Variants in CNTFR observed in about 807,000 individuals in gnomAD.
The protein encoded by CNTFR is ciliary neurotrophic factor receptor, also known as ciliary neurotrophic factor receptor subunit alpha.
CNTFR carries 12 observed loss-of-function variants against 40.4 expected under a neutral mutation model. The ratio of observed to expected loss-of-function variants is 0.30; its 90% confidence interval spans 0.19 to 0.48. The LOEUF (loss-of-function observed/expected upper bound fraction) is 0.48, where lower values mean the gene tolerates loss of function less well. Among genes scored for constraint, CNTFR ranks in the 20% least tolerant of loss-of-function variants. The pLI is 0.99. For missense variants in CNTFR, 414 were observed against 506.8 expected, an observed-to-expected ratio of 0.82 and a Z score of 1.76; for synonymous variants, 202 against 209.6, an observed-to-expected ratio of 0.96 and a Z score of 0.31.
chr9:34,576,717 A>T (rs530104251), intron 2 of CNTFR, among the ~76,000 whole-genome samples: 18 of 152,336 alleles, frequency 1.2e-4, no homozygotes, highest in Non-Finnish European at 2.1e-4. Flanking sequence ...GGGGAGACAG[A>T]TGGTGGCACT....
intron 2 of CNTFR, among the ~76,000 whole-genome samples, chr9:34,577,305 G>C (rs1486956120): frequency 6.6e-6 from 1 of 152,226 alleles, no homozygotes; most frequent in Non-Finnish European, 1.5e-5. Flanking sequence ...AGCCTGACGT[G>C]ACTCCACGGA....
chr9:34,584,748 T>G (rs1827470492), intron 1 of CNTFR, among the ~76,000 whole-genome samples: 1 of 151,888 alleles, frequency 6.6e-6, no homozygotes, highest in African/African-American at 2.4e-5. Context: ...GACCTTACTT[T>G]CTACAAAATC....
At position 34,557,614 on chromosome 9, in the gene CNTFR, G is replaced by A; in HGVS notation, c.516C>T (p.Phe172=). 6.2e-7 allele frequency: 1 copy of A among 1,614,222 alleles called. No homozygotes were observed. The highest frequency in any genetic ancestry group is 8.5e-7 in the Non-Finnish European group (1 of 1,180,030). ...NRCHIRYMHL[F]STIKYKVSIS... ...TGGAGACCTTGTACTTGATGGTGGA[G>A]AACAGGTGCATGTAGCGAATGTGGC... is the stretch of plus-strand genomic sequence containing the variant. The change falls in exon 6 of 10, where the codon TTC becomes TTT. Residue 172 remains phenylalanine, a synonymous_variant. Transcript: ENST00000378980. This position sits in a 1 kb window ranked among gnomAD's most constrained non-coding sequence, Gnocchi z 4.2.
At position 34,568,965 on chromosome 9, in the gene CNTFR, G is replaced by T. The variant is rs774818916; in HGVS notation, c.17C>A (p.Pro6Gln). 1 of 1,597,108 alleles carries T rather than the reference G, an allele frequency of 6.3e-7. No individual in the cohort carries two copies. Among genetic ancestry groups the T allele is most frequent in the East Asian group, 2.3e-5 (1 of 43,894 alleles). ...GGCAAGCACAGCACAGCAGGCCCAC[G>T]GGACAGGAGCAGCCATCTGTTGGGA... MAAPV[P>Q]WACCAVLAAA... The change falls in exon 3 of 10, where the codon CCG becomes CAG. Residue 6 changes from proline (P) to glutamine (Q), a missense_variant. By Grantham distance (76) the Pro-to-Gln change is moderately conservative (BLOSUM62 -1). Coordinates refer to ENST00000378980, the MANE Select transcript of CNTFR (RefSeq NM_147164.3).
In CNTFR at chr9:34,552,601, G is replaced by C; in HGVS notation, c.949+73C>G. ...AGCAGAGGCTGGAGGCAGCAGGGTAGAACCAGGCCACAGGTTCTACCACAG... is the reference window on the plus strand; with the variant it reads ...AGCAGAGGCTGGAGGCAGCAGGGTACAACCAGGCCACAGGTTCTACCACAG... On this transcript the variant is annotated intron_variant, in intron 8 of 9. Transcript: ENST00000378980. The surrounding 1 kb of genome is among the most constrained non-coding windows in gnomAD (Gnocchi z 5.1). The C allele has an allele frequency of 6.7e-7, 1 of 1,493,736 alleles. No individual in the cohort carries two copies. The highest frequency in any genetic ancestry group is 1.2e-5 in the South Asian group (1 of 80,726). 92.5% of individuals were successfully genotyped at this position (1,493,736 alleles called of 1,614,324 possible).
intron 2 of CNTFR, among the ~76,000 whole-genome samples, chr9:34,576,156 C>A (rs1042209532): frequency 1.3e-5 from 2 of 152,234 alleles, no homozygotes; most frequent in Non-Finnish European, 2.9e-5. Context: ...TTCACAGACA[C>A]ACCCAGGCAG....
chr9:34,565,600 G>C (rs931660452), intron 3 of CNTFR, among the ~76,000 whole-genome samples: 1 of 151,914 alleles, frequency 6.6e-6, no homozygotes, highest in African/African-American at 2.4e-5. Flanking sequence ...GGGATGGAGT[G>C]AGCACTCTGA....
intron 4 of CNTFR, among the ~76,000 whole-genome samples, chr9:34,559,582 T>C (rs958519814): frequency 1.3e-5 from 2 of 152,188 alleles, no homozygotes; most frequent in Non-Finnish European, 2.9e-5. Context: ...TTAGTGTCTC[T>C]TCCCTGTCTG....
chr9:34,564,900 G>C (rs1046772781), intron 3 of CNTFR, 68 bp from the exon 4 acceptor site: 1 of 1,393,468 alleles, frequency 7.2e-7, no homozygotes, highest in African/African-American at 1.4e-5. Context: ...GCAGGCGAGC[G>C]TGCTCAGACA....
intron 2 of CNTFR, among the ~76,000 whole-genome samples, chr9:34,577,841 A>AGAAG (rs1564072956): frequency 9.3e-4 from 135 of 145,696 alleles, no homozygotes; most frequent in Non-Finnish European, 1.3e-3. Flanking sequence ...GAGAAGAGAA[A>AGAAG]AGAAGAGAGA....
chr9:34,561,511 G>C lies in CNTFR; in HGVS notation c.319+3088C>G, dbSNP rs1054261585. Among the ~76,000 whole-genome samples the C allele has an allele frequency of 3.3e-5, 5 of 152,268 alleles. 1 individual carries two copies. The South Asian group carries it at 1.0e-3, about 32-fold the overall frequency. On this transcript the variant is annotated intron_variant, in intron 4 of 9. Transcript: ENST00000378980. ...CCTTCCGTCATCCTAGGGAGGAGAG[G>C]AGTCCTTAGGGCTCTGCTCGTGAGG...
At chr9:34,561,015 A>G (rs1221799709) in intron 4 of CNTFR, among the ~76,000 whole-genome samples, 1 of 152,170 alleles carries the variant, frequency 6.6e-6, no homozygotes, top group African/African-American at 2.4e-5. Flanking sequence ...ACCCTAGGCC[A>G]GGCCAGATCA....
intron 2 of CNTFR, among the ~76,000 whole-genome samples, chr9:34,572,789 CAGTG>C (rs1230880729): frequency 6.6e-6 from 1 of 152,216 alleles, no homozygotes; most frequent in East Asian, 1.9e-4. Context: ...GACAATAATG[CAGTG>C]AGTGACAGTC....
intron 1 of CNTFR, among the ~76,000 whole-genome samples, chr9:34,581,567 G>A (rs1379285008): frequency 2.0e-5 from 3 of 152,130 alleles, no homozygotes; most frequent in Non-Finnish European, 4.4e-5. Flanking sequence ...TCACAGGCAC[G>A]GTGTAAATAA....
intron 7 of CNTFR, among the ~76,000 whole-genome samples, chr9:34,553,388 T>C (rs1056998276): frequency 1.3e-5 from 2 of 152,204 alleles, no homozygotes; most frequent in African/African-American, 4.8e-5. Flanking sequence ...CCTCATGCCT[T>C]GCCATCCTCA....
chr9:34,575,413 C>T (rs945319601), intron 2 of CNTFR, among the ~76,000 whole-genome samples: 1 of 152,162 alleles, frequency 6.6e-6, no homozygotes, highest in Non-Finnish European at 1.5e-5. Context: ...ATAGGGTTGA[C>T]TGAGACTTCC....
At chr9:34,564,010 T>C (rs1826175196) in intron 4 of CNTFR, among the ~76,000 whole-genome samples, 1 of 152,198 alleles carries the variant, frequency 6.6e-6, no homozygotes, top group Admixed American at 6.5e-5. Flanking sequence ...AAGTGGCCTT[T>C]ACATGCCCTC....
At chr9:34,562,655 C>T (rs1383449481) in intron 4 of CNTFR, among the ~76,000 whole-genome samples, 1 of 152,240 alleles carries the variant, frequency 6.6e-6, no homozygotes, top group East Asian at 1.9e-4. Flanking sequence ...AAGGAGACGA[C>T]TTTTGGGCAG....
At chr9:34,563,140 T>C (rs1157406340) in intron 4 of CNTFR, among the ~76,000 whole-genome samples, 1 of 152,124 alleles carries the variant, frequency 6.6e-6, no homozygotes, top group Non-Finnish European at 1.5e-5. Flanking sequence ...AGCCATCAAC[T>C]CCCGGTTGTC....
Sources: allele counts gnomAD v4.1 joint callset (sites outside exome capture counted in the v4.1 genomes callset), GRCh38; gene constraint gnomAD v4.1.1; non-coding constraint Gnocchi (gnomAD v3.1); transcripts MANE v1.5; gene names NCBI Gene and HGNC (gene_info 2026-07-23, HGNC 2026-07-21).